The following GSK3B variants were observed in gnomAD, a reference collection of about 807,000 sequenced individuals.
GSK3B encodes the protein glycogen synthase kinase-3 beta.
A neutral mutation model predicts 56.4 loss-of-function variants in GSK3B; 15 were observed. That is an observed-to-expected ratio of 0.27 (90% CI 0.18 to 0.41). GSK3B has a LOEUF of 0.41. Among genes scored for constraint, GSK3B ranks in the 10% least tolerant of loss-of-function variants. The probability of loss-of-function intolerance (pLI) is 1.00; values close to 1 mark genes in which losing one functional copy is unlikely to be tolerated. For missense variants in GSK3B, 300 were observed against 513.4 expected (o/e 0.58, Z 4.02); for synonymous variants, 181 against 188.9 (o/e 0.96, Z 0.34).
chr3:119,859,115 T>C (rs939427179), intron 9 of GSK3B, among the ~76,000 whole-genome samples: 2 of 149,588 alleles, frequency 1.3e-5, no homozygotes, highest in Non-Finnish European at 3.0e-5. Context: ...GGCACCAAAG[T>C]AAGCATAGCC....
chr3:119,921,090 G>C (rs2056835783), intron 4 of GSK3B, among the ~76,000 whole-genome samples: 1 of 152,054 alleles, frequency 6.6e-6, no homozygotes, highest in South Asian at 2.1e-4. Flanking sequence ...TAGAAAGCAA[G>C]GAAACGGTCA....
At chr3:119,884,003 T>C (rs1401675494) in intron 7 of GSK3B, among the ~76,000 whole-genome samples, 2 of 152,082 alleles carry the variant, frequency 1.3e-5, no homozygotes, top group African/African-American at 4.8e-5. Context: ...AAGAACTGCT[T>C]TGGTAGTACC....
At chr3:119,878,546 T>A (rs1051886305) in intron 7 of GSK3B, among the ~76,000 whole-genome samples, 1 of 152,142 alleles carries the variant, frequency 6.6e-6, no homozygotes, top group African/African-American at 2.4e-5. Context: ...GGAAAACAGT[T>A]TGGAAGTTTC....
At chr3:119,833,371 A>G (rs2055634237) in intron 10 of GSK3B, among the ~76,000 whole-genome samples, 1 of 152,206 alleles carries the variant, frequency 6.6e-6, no homozygotes, top group Non-Finnish European at 1.5e-5. Context: ...CTGTGTGTCT[A>G]TAAAAAATTA....
intron 2 of GSK3B, among the ~76,000 whole-genome samples, chr3:119,978,041 C>T (rs2057423806): frequency 6.6e-6 from 1 of 152,160 alleles, no homozygotes; most frequent in Admixed American, 6.5e-5. Flanking sequence ...ATAAATTTCA[C>T]AGATGACAGA....
chr3:119,881,360 G>A (rs188046963), intron 7 of GSK3B, among the ~76,000 whole-genome samples: 1 of 152,212 alleles, frequency 6.6e-6, no homozygotes, highest in South Asian at 2.1e-4. Context: ...GTGGAAAAGG[G>A]GGCTGTGACT....
intron 1 of GSK3B, among the ~76,000 whole-genome samples, chr3:120,008,890 A>T (rs925097038): frequency 2.0e-5 from 3 of 151,588 alleles, no homozygotes; most frequent in Non-Finnish European, 3.0e-5. Flanking sequence ...GCTTCTTCAC[A>T]GCAAAAGAAA....
At chr3:119,943,979 G>C (rs1227009546) in intron 3 of GSK3B, among the ~76,000 whole-genome samples, 1 of 151,632 alleles carries the variant, frequency 6.6e-6, no homozygotes, top group Non-Finnish European at 1.5e-5. Flanking sequence ...AGACAAAGGC[G>C]AAAAAAGGGC....
chr3:120,039,616 C>G (rs1464692556), intron 1 of GSK3B, among the ~76,000 whole-genome samples: 2 of 152,222 alleles, frequency 1.3e-5, no homozygotes, highest in Admixed American at 1.3e-4. Context: ...ACCACACATC[C>G]CATCACTGTA....
intron 4 of GSK3B, among the ~76,000 whole-genome samples, chr3:119,919,480 C>T (rs74677374): frequency 0.016 from 2,352 of 147,538 alleles, 62 homozygotes; most frequent in African/African-American, 0.056. Context: ...ATGCCCAGAG[C>T]CAATAGATCT....
chr3:119,836,633 T>C (rs2108004667), intron 10 of GSK3B, among the ~76,000 whole-genome samples: 1 of 152,288 alleles, frequency 6.6e-6, no homozygotes, highest in East Asian at 1.9e-4. Context: ...CTGAAAGTTT[T>C]CTTAAAACAA....
chr3:120,031,684 CCT>C (rs1392471801), intron 1 of GSK3B, among the ~76,000 whole-genome samples: 9 of 152,332 alleles, frequency 5.9e-5, no homozygotes, highest in Admixed American at 2.6e-4. Context: ...TTATCACCAT[CCT>C]CTGTTTCACA....
At chr3:119,938,388 G>A (rs1487762101) in intron 3 of GSK3B, among the ~76,000 whole-genome samples, 2 of 151,882 alleles carry the variant, frequency 1.3e-5, no homozygotes, top group Non-Finnish European at 2.9e-5. Context: ...GAAAATACTA[G>A]AATATGAAAT....
chr3:119,889,289 C>T (rs1224731039), intron 7 of GSK3B, among the ~76,000 whole-genome samples: 1 of 152,050 alleles, frequency 6.6e-6, no homozygotes, highest in Non-Finnish European at 1.5e-5. Context: ...TATTTCTCAG[C>T]CAGCCGACAC....
rs972753159 is a variant in GSK3B at position 119,944,257 on chromosome 3, C to A, written c.366+3011G>T. Among the ~76,000 whole-genome samples, 5 of 152,194 alleles carry A rather than the reference C, an allele frequency of 3.3e-5. No homozygotes were observed. The East Asian group carries it at 5.8e-4, about 18-fold the overall frequency. ...CCCTCCCATAACATTCTCTCAAAAA[C>A]CTCAAAAAGAAAATTTCTAATAACC... On this transcript the variant is annotated intron_variant, in intron 3 of 10. Coordinates refer to ENST00000264235, the MANE Select transcript of GSK3B (RefSeq NM_001146156.2).
intron 3 of GSK3B, among the ~76,000 whole-genome samples, chr3:119,945,464 C>G (rs1473011819): frequency 6.6e-6 from 1 of 152,096 alleles, no homozygotes; most frequent in Non-Finnish European, 1.5e-5. Context: ...CTGAGAACAG[C>G]AGCAGAGAGG....
chr3:120,054,986 C>G (rs1473042088), intron 1 of GSK3B, among the ~76,000 whole-genome samples: 1 of 152,112 alleles, frequency 6.6e-6, no homozygotes, highest in Non-Finnish European at 1.5e-5. Context: ...GACTCAGACA[C>G]CTAAAGAAAT....
chr3:119,990,412 T>C (rs1186372539), intron 2 of GSK3B, among the ~76,000 whole-genome samples: 1 of 152,252 alleles, frequency 6.6e-6, no homozygotes, highest in Non-Finnish European at 1.5e-5. Flanking sequence ...TCAGGTTTTG[T>C]CTAAAGTGAA....
chr3:119,903,029 T>C (rs1576187161), intron 7 of GSK3B, among the ~76,000 whole-genome samples: 2 of 152,166 alleles, frequency 1.3e-5, no homozygotes, highest in African/African-American at 4.8e-5. Context: ...CAGTAAGATT[T>C]GGGGCTACAT....
Sources: allele counts gnomAD v4.1 joint callset (sites outside exome capture counted in the v4.1 genomes callset), GRCh38; gene constraint gnomAD v4.1.1; transcripts MANE v1.5; gene names NCBI Gene and HGNC (gene_info 2026-07-23, HGNC 2026-07-21).